TOLLIP: variants seen among roughly 807,000 people sequenced by gnomAD.
TOLLIP encodes toll-interacting protein.
TOLLIP carries 16 observed loss-of-function variants against 33.5 expected under a neutral mutation model. That is an observed-to-expected ratio of 0.48 (90% CI 0.32 to 0.72). The LOEUF is 0.72. Ranked by LOEUF, TOLLIP falls within the 30% of genes least tolerant of loss-of-function variation. The pLI is 0.03. For missense variants in TOLLIP, 325 were observed against 396.6 expected, an observed-to-expected ratio of 0.82 and a Z score of 1.53; for synonymous variants, 176 against 163.7, an observed-to-expected ratio of 1.07 and a Z score of -0.57.
At chr11:1,288,828 G>A (rs763623332) in intron 3 of TOLLIP, 52 bp from the exon 4 acceptor site, 50 of 1,573,174 alleles carry the variant, frequency 3.2e-5, no homozygotes, top group Non-Finnish European at 3.8e-5. Context: ...GGGCCACCCT[G>A]CCCCTGCAGC....
In TOLLIP at chr11:1,290,135, G is replaced by T; in HGVS notation, c.366+92C>A. The T allele has an allele frequency of 7.1e-7, 1 of 1,398,884 alleles. No homozygotes were observed. Among genetic ancestry groups the T allele is most frequent in the Non-Finnish European group, 9.8e-7 (1 of 1,015,892 alleles). The allele number at this position is 1,398,884 out of a possible 1,614,324, so 86.7% of individuals were successfully genotyped here. A position where few individuals can be genotyped will look rare whatever the true frequency, so the allele number is the denominator to read the frequency against. On this transcript the variant is annotated intron_variant, in intron 3 of 5. Coordinates refer to ENST00000317204, the MANE Select transcript of TOLLIP (RefSeq NM_019009.4). The surrounding 1 kb of genome is among the most constrained non-coding windows in gnomAD (Gnocchi z 4.9). The stretch of plus-strand genomic sequence containing the variant: ...GGTGGGGAGCCACGCCTCGAAGCCA[G>T]CCAGGAACGTGGCTGTGTTGGCAGG...
intron 1 of TOLLIP, 103 bp downstream of exon 1, chr11:1,309,363 C>G: frequency 1.6e-6 from 1 of 641,848 alleles, no homozygotes; most frequent in Non-Finnish European, 2.2e-6. Flanking sequence ...GGGAGAGCCG[C>G]GGAGTCGGCC....
intron 1 of TOLLIP, among the ~76,000 whole-genome samples, chr11:1,308,958 G>A (rs969506824): frequency 6.7e-6 from 1 of 148,776 alleles, no homozygotes; most frequent in Non-Finnish European, 1.5e-5. Flanking sequence ...CACCTGGGGG[G>A]CCATCAGGGA....
At chr11:1,283,079 G>T (rs1305187433) in intron 5 of TOLLIP, among the ~76,000 whole-genome samples, 1 of 152,230 alleles carries the variant, frequency 6.6e-6, no homozygotes, top group East Asian at 1.9e-4. Flanking sequence ...TAGTTCCCGG[G>T]GAACAGCCAG....
At chr11:1,291,413 C>T (rs1390712117) in intron 2 of TOLLIP, among the ~76,000 whole-genome samples, 1 of 151,118 alleles carries the variant, frequency 6.6e-6, no homozygotes, top group Non-Finnish European at 1.5e-5. Flanking sequence ...CCGCCAGTTC[C>T]TCCTTCCCAG....
At chr11:1,291,669 C>T (rs1282752920) in intron 2 of TOLLIP, among the ~76,000 whole-genome samples, 50 of 150,772 alleles carry the variant, frequency 3.3e-4, no homozygotes, top group African/African-American at 1.2e-3. Context: ...CCCGTCCTCG[C>T]TGACCCCCCG....
chr11:1,306,542 G>C (rs1161347083), intron 1 of TOLLIP, among the ~76,000 whole-genome samples: 1 of 152,136 alleles, frequency 6.6e-6, no homozygotes, highest in Non-Finnish European at 1.5e-5. Flanking sequence ...AGGTGTAACA[G>C]AAAGAGGACA....
chr11:1,279,646 G>A (rs769362054), intron 5 of TOLLIP, among the ~76,000 whole-genome samples: 10 of 152,228 alleles, frequency 6.6e-5, no homozygotes, highest in Non-Finnish European at 1.3e-4. Flanking sequence ...GCGGACGGAT[G>A]TGCAGCACAG....
intron 1 of TOLLIP, among the ~76,000 whole-genome samples, chr11:1,309,055 T>C (rs1421105339): frequency 1.3e-5 from 2 of 150,990 alleles, no homozygotes; most frequent in Non-Finnish European, 3.0e-5. Flanking sequence ...CCCTCCTCCA[T>C]TCGGGAGTCA....
intron 3 of TOLLIP, 129 bp from the exon 4 acceptor site, chr11:1,288,905 C>T: frequency 9.9e-7 from 1 of 1,009,098 alleles, no homozygotes; most frequent in South Asian, 1.7e-5. Context: ...CCTGCACCAA[C>T]ACCCCATCGA....
intron 1 of TOLLIP, among the ~76,000 whole-genome samples, chr11:1,301,241 T>C (rs1383184320): frequency 1.3e-5 from 2 of 152,254 alleles, no homozygotes; most frequent in Non-Finnish European, 2.9e-5. Flanking sequence ...TTTAACTGGC[T>C]GGCTGGTATT....
In TOLLIP at chr11:1,303,639, G is replaced by C. The variant is rs1255651226; in HGVS notation, c.33+5827C>G. Among the ~76,000 whole-genome samples, 1 of 152,220 alleles carries C rather than the reference G, an allele frequency of 6.6e-6. No homozygotes were observed. The highest frequency in any genetic ancestry group is 2.4e-5 in the African/African-American group (1 of 41,458). The stretch of plus-strand genomic sequence containing the variant: ...CCAGCACGGTGCCAGGGCAGGGCCC[G>C]CAGGATCTGGAGACAGTGACTCAGG... On this transcript the variant is annotated intron_variant, in intron 1 of 5. Transcript: ENST00000317204. This position sits in a 1 kb window ranked among gnomAD's most constrained non-coding sequence, Gnocchi z 4.2.
Position 1,295,760 on chromosome 11 carries a change from C to T in TOLLIP, c.68G>A (p.Arg23His), listed in dbSNP as rs747426885. The change falls in exon 2 of 6, where the codon CGC becomes CAC. Residue 23 changes from arginine (R) to histidine (H), a missense_variant. Physicochemically the swap from Arg to His is conservative, Grantham distance 29 (BLOSUM62 0). Coordinates refer to ENST00000317204, the MANE Select transcript of TOLLIP (RefSeq NM_019009.4). ...CCGCTGCTGCTGTGTGGGCGTGATG[C>T]GGAGGAAGTCCTGCGGGAGCTCACC... ...YIGELPQDFL[R>H]ITPTQQQRQV... 28 of 1,598,176 alleles carry T rather than the reference C, an allele frequency of 1.8e-5. No homozygotes were observed. Among genetic ancestry groups the T allele is most frequent in the South Asian group, 5.6e-5 (5 of 89,260 alleles).
chr11:1,283,505 G>A (rs1005503910), intron 5 of TOLLIP: 1 of 455,836 alleles, frequency 2.2e-6, no homozygotes, highest in African/African-American at 2.0e-5. Context: ...TGGGGCGTCA[G>A]GTGGACGAGT....
Position 1,274,843 on chromosome 11 carries a change from A to G in TOLLIP, c.*2196T>C, listed in dbSNP as rs1490002620. The G allele has an allele frequency of 2.6e-5, 4 of 151,678 alleles. No homozygotes were observed. Among genetic ancestry groups the G allele is most frequent in the Non-Finnish European group, 4.4e-5 (3 of 67,916 alleles). 9.4% of individuals were successfully genotyped at this position (151,678 alleles called of 1,614,324 possible). A position where few individuals can be genotyped will look rare whatever the true frequency, so the allele number is the denominator to read the frequency against. On this transcript the variant is annotated 3_prime_UTR_variant, in exon 6 of 6. Coordinates refer to ENST00000317204, the MANE Select transcript of TOLLIP (RefSeq NM_019009.4). Reference sequence around the variant, plus strand: ...CTGTCCTTCTGAGTGTGACGACCTCATCCACACCTGACACAGGCGGGGGCG... The same window carrying G: ...CTGTCCTTCTGAGTGTGACGACCTCGTCCACACCTGACACAGGCGGGGGCG...
At chr11:1,293,309 C>T (rs1864012535) in intron 2 of TOLLIP, among the ~76,000 whole-genome samples, 1 of 152,234 alleles carries the variant, frequency 6.6e-6, no homozygotes, top group Non-Finnish European at 1.5e-5. Context: ...ATGGTCCGTA[C>T]CTAGGGATCT....
chr11:1,304,161 G>T (rs565573483), intron 1 of TOLLIP, among the ~76,000 whole-genome samples: 26 of 152,140 alleles, frequency 1.7e-4, no homozygotes, highest in African/African-American at 6.0e-4. Context: ...CCACTCCCGG[G>T]CTGCTCAGCA....
Position 1,276,698 on chromosome 11 carries a change from G to C in TOLLIP, c.*341C>G. The C allele has an allele frequency of 7.1e-7, 1 of 1,409,892 alleles. No homozygotes were observed. 87.3% of individuals were successfully genotyped at this position (1,409,892 alleles called of 1,614,324 possible). A position where few individuals can be genotyped will look rare whatever the true frequency, so the allele number is the denominator to read the frequency against. On this transcript the variant is annotated 3_prime_UTR_variant, in exon 6 of 6. Transcript: ENST00000317204. ...AATGCCATGAATGGAATCGGAAGGC[G>C]CTCCACCACCTCCAACACCCTGGCA...
chr11:1,277,341 C>T lies in TOLLIP; in HGVS notation c.611-88G>A, dbSNP rs147169583. 7.3e-4 allele frequency: 821 copies of T among 1,118,402 alleles called. 2 individuals are homozygous for T. In the African/African-American group the frequency reaches 0.011, roughly 16 times the overall value. 69.3% of individuals were successfully genotyped at this position (1,118,402 alleles called of 1,614,324 possible). ...CTGCTGAAGGAAGAAAACAACGCAT[C>T]CCACCGGCCTCCCTGAGGAAGGGGC... On this transcript the variant is annotated intron_variant, in intron 5 of 5. Transcript: ENST00000317204. The surrounding 1 kb of genome is among the most constrained non-coding windows in gnomAD (Gnocchi z 4.2).
Sources: gnomAD v4.1 joint callset for allele counts (sites outside exome capture counted in the v4.1 genomes callset) on GRCh38, gnomAD v4.1.1 for gene constraint, Gnocchi (gnomAD v3.1) non-coding constraint, MANE v1.5 for transcripts, NCBI Gene and HGNC (gene_info 2026-07-23, HGNC 2026-07-21) for gene names.